Variants in SLC7A11 observed in about 807,000 individuals in gnomAD.
SLC7A11 encodes cystine/glutamate transporter.
Under a neutral mutation model 54.5 loss-of-function variants are expected in SLC7A11, and 35 were observed. The ratio of observed to expected loss-of-function variants is 0.64; its 90% CI spans 0.49 to 0.85. The LOEUF (loss-of-function observed/expected upper bound fraction) is 0.85, where lower values mean the gene tolerates loss of function less well. Among genes scored for constraint, SLC7A11 ranks in the 40% least tolerant of loss-of-function variants. SLC7A11 has a pLI of 0.00. For synonymous variants in SLC7A11, 230 were observed against 225.2 expected (o/e 1.02, Z -0.19); for missense variants, 583 against 618.1 (o/e 0.94, Z 0.60).
chr4:138,184,180 TA>T (rs778111271), intron 7 of SLC7A11, among the ~76,000 whole-genome samples: 35 of 152,142 alleles, frequency 2.3e-4, no homozygotes, highest in Non-Finnish European at 4.9e-4. Flanking sequence ...CTGACTTCAA[TA>T]AGCTTTGTAT....
Position 138,236,333 on chromosome 4 carries a change from G to A in SLC7A11, c.396C>T (p.Leu132=). 4 of 1,610,074 alleles carry A rather than the reference G, an allele frequency of 2.5e-6. No homozygotes were observed. The highest frequency in any genetic ancestry group is 1.7e-6 in the Non-Finnish European group (2 of 1,178,504). ...TTCTACTATGCTCTTACCGTATTAT[G>A]AGGAGTTCCACCCAGACTCGTACAA... ...PAFVRVWVEL[L]IIRPAATAVI... The change falls in exon 2 of 12, where the codon CTC becomes CTT. Residue 132 remains leucine (L), a synonymous_variant. Transcript: ENST00000280612.
intron 6 of SLC7A11, among the ~76,000 whole-genome samples, chr4:138,213,447 T>C (rs918938215): frequency 6.6e-6 from 1 of 152,162 alleles, no homozygotes; most frequent in African/African-American, 2.4e-5. Flanking sequence ...TATTCTTTGA[T>C]GTCCAGGCTA....
At chr4:138,232,860 C>A (rs1278272250) in intron 2 of SLC7A11, among the ~76,000 whole-genome samples, 7 of 152,084 alleles carry the variant, frequency 4.6e-5, no homozygotes, top group Admixed American at 3.9e-4. Context: ...CAAATACATG[C>A]CTAAATATTT....
intron 6 of SLC7A11, among the ~76,000 whole-genome samples, chr4:138,193,731 G>A (rs1409943552): frequency 4.6e-5 from 7 of 152,218 alleles, no homozygotes; most frequent in Middle Eastern, 3.4e-3. Context: ...CCCGGGAGGC[G>A]GAGGTTGCAG....
chr4:138,187,345 C>T (rs1158357161), intron 6 of SLC7A11, among the ~76,000 whole-genome samples: 1 of 152,154 alleles, frequency 6.6e-6, no homozygotes, highest in African/African-American at 2.4e-5. Flanking sequence ...ATGTGCCCAA[C>T]ATTTTATTAG....
At chr4:138,200,914 A>G (rs1348394125) in intron 6 of SLC7A11, among the ~76,000 whole-genome samples, 2 of 152,164 alleles carry the variant, frequency 1.3e-5, no homozygotes, top group Non-Finnish European at 2.9e-5. Context: ...TTTGAAATGT[A>G]GAGACATTAC....
At chr4:138,240,565 C>CAAAAA (rs367662536) in intron 1 of SLC7A11, among the ~76,000 whole-genome samples, 1 of 133,978 alleles carries the variant, frequency 7.5e-6, no homozygotes. Flanking sequence ...GTCTCTGTCT[C>CAAAAA]AAAAAAAAAA....
chr4:138,173,226 CTTG>C (rs1274394305), intron 11 of SLC7A11, among the ~76,000 whole-genome samples: 1 of 152,150 alleles, frequency 6.6e-6, no homozygotes, highest in Non-Finnish European at 1.5e-5. Context: ...AGCCTGACCT[CTTG>C]ATGGTTTCAG....
chr4:138,199,121 A>T (rs781477960), intron 6 of SLC7A11, among the ~76,000 whole-genome samples: 1 of 152,132 alleles, frequency 6.6e-6, no homozygotes, highest in Non-Finnish European at 1.5e-5. Flanking sequence ...TATAACACCA[A>T]AGTTAGGAAG....
At position 138,230,417 on chromosome 4, in the gene SLC7A11, A is replaced by AC. The variant is rs1479005230; in HGVS notation, c.520+1849_520+1850insG. On this transcript the variant is annotated intron_variant, in intron 3 of 11. Transcript: ENST00000280612. ...CCCTGAACTCAAAATGAAAGCTAAA[A>AC]AAAAAAAAAGAAAAAATAATGAAAA... 4.4e-4 allele frequency among the ~76,000 whole-genome samples: 67 copies of AC among 151,708 alleles called. 1 individual carries two copies. Among genetic ancestry groups the AC allele is most frequent in the African/African-American group, 1.5e-3 (62 of 41,394 alleles).
intron 6 of SLC7A11, among the ~76,000 whole-genome samples, chr4:138,190,910 G>A (rs903133510): frequency 1.1e-4 from 16 of 152,126 alleles, no homozygotes; most frequent in African/African-American, 3.9e-4. Flanking sequence ...ATCTGTAGAA[G>A]AACACACATT....
intron 11 of SLC7A11, chr4:138,174,501 C>T (rs1027311380): frequency 7.2e-5 from 11 of 152,212 alleles, no homozygotes; most frequent in African/African-American, 2.4e-4. Context: ...GTAATGAAGG[C>T]TTCTGCAGAG....
chr4:138,194,455 T>G lies in SLC7A11; in HGVS notation c.792-9211A>C, dbSNP rs149222034. On this transcript the variant is annotated intron_variant, in intron 6 of 11. Transcript: ENST00000280612. ...CTACAAAGATTCATGTCCCTCTCTT[T>G]AGGAACATTTTTCTCAAGTCAAGTG... 4.4e-3 allele frequency among the ~76,000 whole-genome samples: 676 copies of G among 152,292 alleles called. 4 individuals are homozygous for G. The highest frequency in any genetic ancestry group is 0.019 in the South Asian group (91 of 4,826).
At chr4:138,179,813 A>G (rs1736676581) in intron 10 of SLC7A11, among the ~76,000 whole-genome samples, 1 of 152,154 alleles carries the variant, frequency 6.6e-6, no homozygotes, top group East Asian at 1.9e-4. Context: ...TACATGTTAA[A>G]GTCTTTCAGT....
chr4:138,224,811 G>A (rs1737898478), intron 3 of SLC7A11, among the ~76,000 whole-genome samples: 1 of 102,756 alleles, frequency 9.7e-6, no homozygotes, highest in Non-Finnish European at 2.0e-5. Flanking sequence ...AGGAAGGAAG[G>A]ATGAAAGGAA....
chr4:138,183,212 C>CA lies in SLC7A11; in HGVS notation c.1008dup (p.Ala337CysfsTer113), dbSNP rs1202185018. 1.2e-6 allele frequency: 2 copies of CA among 1,609,736 alleles called. No homozygotes were observed. The highest frequency in any genetic ancestry group is 1.7e-6 in the Non-Finnish European group (2 of 1,176,892). On this transcript the variant is annotated frameshift_variant, in exon 8 of 12. Coordinates refer to ENST00000280612, the MANE Select transcript of SLC7A11 (RefSeq NM_014331.4). LOFTEE classifies it high-confidence loss of function. ...CATGAACTCACTCACCTGGAGACAG[C>CA]AAACACACCACCGTTCATGGAGCCA... is the stretch of plus-strand genomic sequence containing the variant.
intron 11 of SLC7A11, 126 bp downstream of exon 11, chr4:138,179,091 G>T: frequency 1.6e-6 from 1 of 643,888 alleles, no homozygotes; most frequent in Non-Finnish European, 2.7e-6. Flanking sequence ...CAATTAAAAT[G>T]CCATAATGTT....
intron 7 of SLC7A11, 98 bp from the exon 8 acceptor site, chr4:138,183,403 C>T: frequency 2.7e-6 from 2 of 735,550 alleles, no homozygotes; most frequent in Non-Finnish European, 4.8e-6. Context: ...TTCTATTAGC[C>T]TGGTGATACT....
chr4:138,230,360 G>A (rs755782368), intron 3 of SLC7A11, among the ~76,000 whole-genome samples: 78 of 148,836 alleles, frequency 5.2e-4, no homozygotes, highest in African/African-American at 1.5e-3. Flanking sequence ...CCCATGACAC[G>A]AGTTTACCTA....
Sources: allele counts gnomAD v4.1 joint callset (sites outside exome capture counted in the v4.1 genomes callset), GRCh38; gene constraint gnomAD v4.1.1; transcripts MANE v1.5; gene names NCBI Gene and HGNC (gene_info 2026-07-23, HGNC 2026-07-21).